Variants in GTF2H5 observed in about 807,000 individuals in gnomAD.
GTF2H5 encodes TFB5 ortholog.
A neutral mutation model predicts 7.1 loss-of-function variants in GTF2H5; 5 were observed. The ratio of observed to expected loss-of-function variants is 0.71; its 90% confidence interval spans 0.37 to 1.49. The LOEUF (loss-of-function observed/expected upper bound fraction) is 1.49, where lower values mean the gene tolerates loss of function less well. Among genes scored for constraint, GTF2H5 ranks in the 40% most tolerant of loss-of-function variants. The pLI is 0.03. For synonymous variants in GTF2H5, 30 were observed against 31.7 expected, an observed-to-expected ratio of 0.95 and a Z score of 0.18; for missense variants, 80 against 83.0, an observed-to-expected ratio of 0.96 and a Z score of 0.14.
At chr6:158,173,402 A>G (rs1483672453) in intron 2 of GTF2H5, among the ~76,000 whole-genome samples, 1 of 152,212 alleles carries the variant, frequency 6.6e-6, no homozygotes, top group East Asian at 1.9e-4. Flanking sequence ...GTGCTAGTGG[A>G]TTCCCTTTCA....
rs923145765 is a variant in GTF2H5 at position 158,192,415 on chromosome 6, T to C, written c.*258T>C. On this transcript the variant is annotated 3_prime_UTR_variant, in exon 3 of 3. Transcript: ENST00000607778. ...TCCTTTATTAAAATACAAATGTCAA[T>C]GCTTTTCCTGCCTTTTTAATACCAT... 9.3e-6 allele frequency: 4 copies of C among 429,548 alleles called. No homozygotes were observed. The highest frequency in any genetic ancestry group is 8.0e-5 in the African/African-American group (4 of 50,018). 26.6% of individuals were successfully genotyped at this position (429,548 alleles called of 1,614,324 possible).
intron 2 of GTF2H5, among the ~76,000 whole-genome samples, chr6:158,188,513 T>C (rs1299882294): frequency 6.6e-6 from 1 of 152,246 alleles, no homozygotes; most frequent in Non-Finnish European, 1.5e-5. Context: ...CTAGAATTGC[T>C]CTTCAAGCTT....
intron 1 of GTF2H5, among the ~76,000 whole-genome samples, chr6:158,169,522 AAT>A (rs796142160): frequency 1.3e-5 from 1 of 79,278 alleles, no homozygotes; most frequent in Admixed American, 2.4e-4. Context: ...TATTATATAT[AAT>A]ATACAGTATA....
At chr6:158,169,656 T>TG (rs1562468994) in intron 1 of GTF2H5, among the ~76,000 whole-genome samples, 1 of 92,038 alleles carries the variant, frequency 1.1e-5, no homozygotes, top group African/African-American at 4.8e-5. Flanking sequence ...GTATATTACA[T>TG]ATAATATATT....
At chr6:158,173,081 A>G (rs1026507558) in intron 2 of GTF2H5, among the ~76,000 whole-genome samples, 5 of 152,212 alleles carry the variant, frequency 3.3e-5, no homozygotes, top group Admixed American at 3.3e-4. Flanking sequence ...TAAATCTACT[A>G]AATCAGAATT....
At chr6:158,170,855 A>C (rs1397666307) in intron 2 of GTF2H5, among the ~76,000 whole-genome samples, 1 of 152,210 alleles carries the variant, frequency 6.6e-6, no homozygotes, top group Admixed American at 6.5e-5. Context: ...AGTCTTTACC[A>C]TTACAAACTG....
chr6:158,195,110 C>T lies in GTF2H5; in HGVS notation c.*2953C>T, dbSNP rs1777088267. The T allele has an allele frequency of 6.7e-6, 1 of 149,924 alleles. No homozygotes were observed. The highest frequency in any genetic ancestry group is 1.5e-5 in the Non-Finnish European group (1 of 67,726). 9.3% of individuals were successfully genotyped at this position (149,924 alleles called of 1,614,324 possible). A position where few individuals can be genotyped will look rare whatever the true frequency, so the allele number is the denominator to read the frequency against. ...CATACTTTACATGTCCAGAACAAGG[C>T]TGTTGGTGCTTGGCACCAAGAAATT... is the stretch of plus-strand genomic sequence containing the variant. On this transcript the variant is annotated 3_prime_UTR_variant, in exon 3 of 3. Transcript: ENST00000607778.
chr6:158,177,746 G>T, intron 2 of GTF2H5, among the ~76,000 whole-genome samples: 1 of 152,106 alleles, frequency 6.6e-6, no homozygotes, highest in South Asian at 2.1e-4. Context: ...ACAGGCCCTG[G>T]TGTGTGATGA....
chr6:158,169,686 A>ATATATATTATATAATATATTGTATAT (rs1438428068), intron 1 of GTF2H5, among the ~76,000 whole-genome samples: 1,379 of 29,414 alleles, frequency 0.047, 185 homozygotes, highest in East Asian at 0.081. Context: ...ATAATATATA[A>ATATATATTATATAATATATTGTATAT]TATATATTAT....
chr6:158,189,613 C>G (rs570309908), intron 2 of GTF2H5, among the ~76,000 whole-genome samples: 4 of 152,202 alleles, frequency 2.6e-5, no homozygotes, highest in Non-Finnish European at 5.9e-5. Flanking sequence ...CACTCCCTCT[C>G]ATACCTCACT....
At chr6:158,187,885 T>A (rs892402142) in intron 2 of GTF2H5, among the ~76,000 whole-genome samples, 4 of 152,152 alleles carry the variant, frequency 2.6e-5, no homozygotes, top group African/African-American at 4.8e-5. Context: ...GTTTTAATGT[T>A]AATACTGGTC....
chr6:158,185,732 G>T (rs914431465), intron 2 of GTF2H5, among the ~76,000 whole-genome samples: 2 of 152,008 alleles, frequency 1.3e-5, no homozygotes, highest in Admixed American at 6.6e-5. Context: ...AATAGGCCAG[G>T]CTCAATGGCT....
At chr6:158,190,703 T>C (rs1777012445) in intron 2 of GTF2H5, 3 of 433,930 alleles carry the variant, frequency 6.9e-6, no homozygotes, top group Admixed American at 2.8e-5. Flanking sequence ...CAGTAAATTA[T>C]AGTGACATCT....
chr6:158,176,486 A>G (rs945630739), intron 2 of GTF2H5, among the ~76,000 whole-genome samples: 2 of 152,168 alleles, frequency 1.3e-5, no homozygotes, highest in African/African-American at 4.8e-5. Flanking sequence ...CGGCCTCCCA[A>G]AATGCTGGGA....
intron 2 of GTF2H5, among the ~76,000 whole-genome samples, chr6:158,182,388 G>A (rs575593660): frequency 4.5e-4 from 68 of 152,228 alleles, no homozygotes; most frequent in Non-Finnish European, 8.1e-4. Context: ...TCTTTGTGGT[G>A]TTCTCTGTAT....
intron 2 of GTF2H5, among the ~76,000 whole-genome samples, chr6:158,183,611 G>C (rs1284273033): frequency 1.3e-5 from 2 of 152,142 alleles, no homozygotes; most frequent in East Asian, 1.9e-4. Flanking sequence ...CAGCAATGGC[G>C]GTCACCCCTC....
At chr6:158,177,671 A>G (rs1785951661) in intron 2 of GTF2H5, among the ~76,000 whole-genome samples, 1 of 152,062 alleles carries the variant, frequency 6.6e-6, no homozygotes, top group Admixed American at 6.6e-5. Flanking sequence ...TGCTGCACCC[A>G]TCTACCCGTC....
intron 2 of GTF2H5, among the ~76,000 whole-genome samples, chr6:158,180,845 T>C (rs1786000365): frequency 6.6e-6 from 1 of 151,982 alleles, no homozygotes. Flanking sequence ...TTTTTTTTTT[T>C]TGAAGGGTTT....
At chr6:158,190,953 C>T (rs777986299) in intron 2 of GTF2H5, 3 of 513,452 alleles carry the variant, frequency 5.8e-6, no homozygotes, top group Admixed American at 2.0e-5. Context: ...AAATTGTATC[C>T]CTCTTTTCCC....
Sources: gnomAD v4.1 joint callset for allele counts (sites outside exome capture counted in the v4.1 genomes callset) on GRCh38, gnomAD v4.1.1 for gene constraint, MANE v1.5 for transcripts, NCBI Gene and HGNC (gene_info 2026-07-23, HGNC 2026-07-21) for gene names.